The following SHB variants were observed in gnomAD, a reference collection of about 807,000 sequenced individuals.
The protein encoded by SHB is SH2 domain-containing adapter protein B.
In SHB, 20 loss-of-function variants were observed where a neutral mutation model predicts 52.3. The observed-to-expected ratio is 0.38, with a 90% CI of 0.27 to 0.56. The LOEUF (loss-of-function observed/expected upper bound fraction) is 0.56, where lower values mean the gene tolerates loss of function less well. Among genes scored for constraint, SHB ranks in the 20% least tolerant of loss-of-function variants. The pLI is 0.71. For missense variants in SHB, 825 were observed against 723.3 expected (o/e 1.14, Z -1.61); for synonymous variants, 397 against 316.5 (o/e 1.25, Z -2.70).
At chr9:37,953,742 G>A (rs979676510) in intron 4 of SHB, among the ~76,000 whole-genome samples, 1 of 152,186 alleles carries the variant, frequency 6.6e-6, no homozygotes, top group African/African-American at 2.4e-5. Flanking sequence ...CTGAACTCTA[G>A]AACAGCATCA....
Position 38,068,617 on chromosome 9 carries a change from C to T in SHB, c.29G>A (p.Ser10Asn), listed in dbSNP as rs766207159. 2.7e-6 allele frequency: 4 copies of T among 1,488,864 alleles called. No individual in the cohort carries two copies. Among genetic ancestry groups the T allele is most frequent in the Non-Finnish European group, 3.5e-6 (4 of 1,129,848 alleles). 92.2% of individuals were successfully genotyped at this position (1,488,864 alleles called of 1,614,324 possible). Reference protein sequence around the residue: MAKWLNKYFSLGNSKTKSPP... With the variant: MAKWLNKYFNLGNSKTKSPP... ...GCTCTTGGTCTTGCTGTTGCCCAAG[C>T]TGAAGTACTTGTTTAGCCACTTGGC... Residue 10 changes from serine (S) to asparagine (N), a missense_variant, in exon 1 of 6, where the codon AGC becomes AAC. Ser to Asn is a conservative substitution (Grantham distance 46, BLOSUM62 1). Coordinates refer to ENST00000377707, the MANE Select transcript of SHB (RefSeq NM_003028.3).
At chr9:37,993,445 A>T (rs1245987937) in intron 2 of SHB, among the ~76,000 whole-genome samples, 1 of 152,220 alleles carries the variant, frequency 6.6e-6, no homozygotes, top group Non-Finnish European at 1.5e-5. Flanking sequence ...GCATTAGGAG[A>T]TATACCTAAT....
intron 2 of SHB, among the ~76,000 whole-genome samples, chr9:37,987,964 G>A (rs896223528): frequency 2.6e-5 from 4 of 152,052 alleles, no homozygotes; most frequent in African/African-American, 9.7e-5. Flanking sequence ...CTGGTCACCT[G>A]GGCTGAGGTA....
intron 1 of SHB, among the ~76,000 whole-genome samples, chr9:38,020,303 C>A (rs900608532): frequency 1.3e-5 from 2 of 152,180 alleles, no homozygotes; most frequent in Non-Finnish European, 2.9e-5. Context: ...TGGCTTGGAA[C>A]GCTTGTTAAG....
At chr9:38,034,351 A>G (rs1332442464) in intron 1 of SHB, among the ~76,000 whole-genome samples, 1 of 152,232 alleles carries the variant, frequency 6.6e-6, no homozygotes, top group Non-Finnish European at 1.5e-5. Context: ...GGCTGCAAGG[A>G]CAGTGATAAT....
At chr9:38,039,446 C>T (rs1044322958) in intron 1 of SHB, among the ~76,000 whole-genome samples, 1 of 152,262 alleles carries the variant, frequency 6.6e-6, no homozygotes, top group Non-Finnish European at 1.5e-5. Flanking sequence ...CTGCAAGATC[C>T]GAAGGGGGTC....
At chr9:38,061,670 G>T (rs1009218968) in intron 1 of SHB, among the ~76,000 whole-genome samples, 2 of 152,200 alleles carry the variant, frequency 1.3e-5, no homozygotes, top group African/African-American at 4.8e-5. Flanking sequence ...AAGTCATGGG[G>T]GTTAAGCCCT....
intron 2 of SHB, among the ~76,000 whole-genome samples, chr9:37,984,689 T>C (rs1471507062): frequency 6.6e-6 from 1 of 152,128 alleles, no homozygotes; most frequent in Non-Finnish European, 1.5e-5. Context: ...GAGTGAGCGA[T>C]GAGCTCTGCG....
chr9:37,973,537 T>A (rs1417887235), intron 3 of SHB, among the ~76,000 whole-genome samples: 2 of 152,236 alleles, frequency 1.3e-5, no homozygotes, highest in African/African-American at 4.8e-5. Context: ...GAATTTTTTA[T>A]CATAACTTTG....
chr9:38,060,110 C>T (rs1343455715), intron 1 of SHB, among the ~76,000 whole-genome samples: 2 of 152,160 alleles, frequency 1.3e-5, no homozygotes, highest in East Asian at 3.8e-4. Flanking sequence ...ACAGTGGTTA[C>T]AAACAGATGC....
At chr9:38,035,435 G>A (rs1225985730) in intron 1 of SHB, among the ~76,000 whole-genome samples, 3 of 151,940 alleles carry the variant, frequency 2.0e-5, no homozygotes, top group Non-Finnish European at 4.4e-5. Context: ...GCATAGGACT[G>A]GGGATAGGGG....
At chr9:37,982,973 G>GCCCCC (rs58267859) in intron 2 of SHB, among the ~76,000 whole-genome samples, 3,818 of 144,876 alleles carry the variant, frequency 0.026, 185 homozygotes, top group African/African-American at 0.081. Context: ...CCTCTCTGGT[G>GCCCCC]CCCCCCCCTC....
At chr9:37,996,370 C>A (rs1162199159) in intron 2 of SHB, among the ~76,000 whole-genome samples, 1 of 152,224 alleles carries the variant, frequency 6.6e-6, no homozygotes, top group Non-Finnish European at 1.5e-5. Context: ...AGAAATAGCA[C>A]ATAGCTGGGA....
At chr9:38,018,633 T>C (rs564019886) in intron 1 of SHB, among the ~76,000 whole-genome samples, 2 of 151,850 alleles carry the variant, frequency 1.3e-5, no homozygotes, top group Admixed American at 6.5e-5. Flanking sequence ...AAATTTGAGG[T>C]TTGAGCAACC....
intron 1 of SHB, among the ~76,000 whole-genome samples, chr9:38,021,513 C>G (rs1159578255): frequency 6.9e-6 from 1 of 145,836 alleles, no homozygotes; most frequent in Non-Finnish European, 1.5e-5. Flanking sequence ...TTAAAAAATA[C>G]AAAAATTAGC....
intron 5 of SHB, among the ~76,000 whole-genome samples, chr9:37,927,136 T>C (rs931671126): frequency 5.9e-5 from 9 of 152,246 alleles, no homozygotes; most frequent in Admixed American, 1.3e-4. Flanking sequence ...GACCAGGATG[T>C]AAGTGCATCT....
intron 4 of SHB, among the ~76,000 whole-genome samples, chr9:37,953,693 T>G (rs1305231421): frequency 1.3e-5 from 2 of 152,108 alleles, no homozygotes; most frequent in African/African-American, 4.8e-5. Flanking sequence ...CCTCCCTCTG[T>G]GCTAGGGTGG....
chr9:38,043,207 G>A (rs982561871), intron 1 of SHB, among the ~76,000 whole-genome samples: 1 of 152,170 alleles, frequency 6.6e-6, no homozygotes, highest in African/African-American at 2.4e-5. Context: ...TGCAGTGGAA[G>A]TCCTTGTGTC....
intron 1 of SHB, among the ~76,000 whole-genome samples, chr9:38,052,709 A>G (rs2118169956): frequency 6.6e-6 from 1 of 152,182 alleles, no homozygotes; most frequent in South Asian, 2.1e-4. Context: ...CTAAAGCATG[A>G]GGCTGACCCT....
Sources: allele counts gnomAD v4.1 joint callset (sites outside exome capture counted in the v4.1 genomes callset), GRCh38; gene constraint gnomAD v4.1.1; transcripts MANE v1.5; gene names NCBI Gene and HGNC (gene_info 2026-07-23, HGNC 2026-07-21).